FSIP1: variants seen among roughly 807,000 people sequenced by gnomAD.
FSIP1 encodes the protein fibrous sheath interacting protein 1.
Under a neutral mutation model 60.9 loss-of-function variants are expected in FSIP1, and 65 were observed. The observed-to-expected ratio is 1.07, with a 90% CI of 0.87 to 1.31. The LOEUF (loss-of-function observed/expected upper bound fraction) is 1.31. FSIP1 is among the 40% of genes most tolerant of loss of function. The pLI, the probability that FSIP1 is intolerant of heterozygous loss-of-function variation, is 0.00. For missense variants in FSIP1, 675 were observed against 665.5 expected (o/e 1.01, Z -0.16); for synonymous variants, 209 against 221.2 (o/e 0.94, Z 0.49).
chr15:39,610,834 G>A (rs1891002738), intron 11 of FSIP1, among the ~76,000 whole-genome samples: 1 of 152,172 alleles, frequency 6.6e-6, no homozygotes, highest in African/African-American at 2.4e-5. Context: ...TCAAAGTGTA[G>A]AAGAAAAACA....
chr15:39,605,636 G>A (rs1890795994), intron 11 of FSIP1, among the ~76,000 whole-genome samples: 2 of 152,176 alleles, frequency 1.3e-5, no homozygotes, highest in Admixed American at 1.3e-4. Context: ...GTGTCCTCTT[G>A]GAGAATACAC....
chr15:39,673,091 G>A (rs747796974), intron 10 of FSIP1, among the ~76,000 whole-genome samples: 6 of 152,112 alleles, frequency 3.9e-5, no homozygotes, highest in Admixed American at 6.5e-5. Context: ...GGACTCTAAC[G>A]CATATGTCAG....
chr15:39,726,803 T>C (rs997727752), intron 8 of FSIP1, 56 bp from the exon 9 acceptor site: 15 of 1,506,142 alleles, frequency 1.0e-5, no homozygotes, highest in Middle Eastern at 1.7e-4. Flanking sequence ...TGCCAAAATA[T>C]ACCTTTCAAG....
Position 39,742,521 on chromosome 15 carries a change from G to A in FSIP1, c.560-621C>T, listed in dbSNP as rs183779486. Among the ~76,000 whole-genome samples the A allele has an allele frequency of 2.2e-4, 34 of 152,240 alleles. 1 individual carries two copies. The highest frequency in any genetic ancestry group is 1.9e-3 in the South Asian group (9 of 4,826). On this transcript the variant is annotated intron_variant, in intron 5 of 11. Transcript: ENST00000350221. The stretch of plus-strand genomic sequence containing the variant: ...GGACACTGTATATTTGCAAGACGCC[G>A]TTAACATAAACGTTTTATTAAAAGT...
intron 5 of FSIP1, among the ~76,000 whole-genome samples, chr15:39,745,675 C>T (rs72727076): frequency 0.046 from 6,976 of 152,206 alleles, 327 homozygotes; most frequent in East Asian, 0.25. Flanking sequence ...ACATGCATAT[C>T]TTTGAGATGG....
intron 9 of FSIP1, among the ~76,000 whole-genome samples, chr15:39,725,786 ATTTT>A (rs201621001): frequency 7.1e-4 from 102 of 143,488 alleles, no homozygotes; most frequent in African/African-American, 2.4e-3. Flanking sequence ...CTTCTACCAG[ATTTT>A]TTTTTTTTTT....
chr15:39,732,857 T>C (rs979929444), intron 8 of FSIP1, among the ~76,000 whole-genome samples: 10 of 152,192 alleles, frequency 6.6e-5, no homozygotes, highest in African/African-American at 2.4e-4. Flanking sequence ...AAGTTCGGTA[T>C]GATTTGAGAA....
chr15:39,751,418 A>AACACACACACACACACAC (rs3065153), intron 5 of FSIP1, among the ~76,000 whole-genome samples: 12 of 144,864 alleles, frequency 8.3e-5, no homozygotes, highest in South Asian at 4.4e-4. Flanking sequence ...GTAATACATA[A>AACACACACACACACACAC]ACACACACAC....
chr15:39,669,914 T>A (rs1893648937), intron 10 of FSIP1, among the ~76,000 whole-genome samples: 1 of 152,214 alleles, frequency 6.6e-6, no homozygotes, highest in African/African-American at 2.4e-5. Context: ...ATACAACTAG[T>A]GTCACTTAAT....
At chr15:39,651,337 G>C (rs1486044533) in intron 10 of FSIP1, among the ~76,000 whole-genome samples, 1 of 152,166 alleles carries the variant, frequency 6.6e-6, no homozygotes, top group Non-Finnish European at 1.5e-5. Flanking sequence ...AATAAATTTT[G>C]TGACATTGAT....
At chr15:39,771,221 T>C (rs1446086684) in intron 2 of FSIP1, among the ~76,000 whole-genome samples, 2 of 152,160 alleles carry the variant, frequency 1.3e-5, no homozygotes, top group Non-Finnish European at 2.9e-5. Flanking sequence ...GCAGGGATCA[T>C]AGGCCCTGGG....
chr15:39,605,955 C>A (rs1890808953), intron 11 of FSIP1, among the ~76,000 whole-genome samples: 1 of 152,218 alleles, frequency 6.6e-6, no homozygotes, highest in South Asian at 2.1e-4. Context: ...AGCAGCAGAG[C>A]AAGGATTCAA....
At chr15:39,721,499 T>C (rs1359035129) in intron 9 of FSIP1, among the ~76,000 whole-genome samples, 2 of 152,252 alleles carry the variant, frequency 1.3e-5, no homozygotes, top group East Asian at 1.9e-4. Flanking sequence ...ACTTGTTCTA[T>C]TGTTTACATC....
chr15:39,769,389 T>G (rs2140717652), intron 3 of FSIP1, among the ~76,000 whole-genome samples: 1 of 152,344 alleles, frequency 6.6e-6, no homozygotes, highest in Middle Eastern at 3.4e-3. Flanking sequence ...ATTTTACCAT[T>G]GGCAACAAAT....
intron 8 of FSIP1, among the ~76,000 whole-genome samples, chr15:39,730,326 A>G (rs1441672700): frequency 6.6e-6 from 1 of 152,238 alleles, no homozygotes; most frequent in Non-Finnish European, 1.5e-5. Context: ...GATTAAATAA[A>G]CACACTTGAC....
intron 10 of FSIP1, among the ~76,000 whole-genome samples, chr15:39,674,637 T>A (rs1319932304): frequency 6.6e-6 from 1 of 152,052 alleles, no homozygotes; most frequent in Non-Finnish European, 1.5e-5. Context: ...TGAGTTTATG[T>A]GAATAAAAAT....
chr15:39,633,499 T>C (rs1891997742), intron 10 of FSIP1, among the ~76,000 whole-genome samples: 1 of 152,204 alleles, frequency 6.6e-6, no homozygotes, highest in African/African-American at 2.4e-5. Context: ...GGTGACTTCT[T>C]CATGACTGAC....
chr15:39,656,833 T>A (rs1206967866), intron 10 of FSIP1, among the ~76,000 whole-genome samples: 1 of 152,232 alleles, frequency 6.6e-6, no homozygotes, highest in African/African-American at 2.4e-5. Context: ...GACAATCATT[T>A]ATTCTTAACT....
At chr15:39,712,215 C>T (rs1895546590) in intron 10 of FSIP1, among the ~76,000 whole-genome samples, 1 of 148,556 alleles carries the variant, frequency 6.7e-6, no homozygotes, top group African/African-American at 2.5e-5. Context: ...CTGCAGTGGG[C>T]CTGCAGGCAG....
Sources: gnomAD v4.1 joint callset for allele counts (sites outside exome capture counted in the v4.1 genomes callset) on GRCh38, gnomAD v4.1.1 for gene constraint, MANE v1.5 for transcripts, NCBI Gene and HGNC (gene_info 2026-07-23, HGNC 2026-07-21) for gene names.